Variants in SPDYE21 observed in about 807,000 individuals in gnomAD.
SPDYE21 encodes speedy/RINGO cell cycle regulator family member E21.
In SPDYE21, 14 loss-of-function variants were observed where a neutral mutation model predicts 36.2. That is an observed-to-expected ratio of 0.39 (90% confidence interval 0.26 to 0.61). The LOEUF is 0.61. SPDYE21 is among the 20% of genes least tolerant of loss of function. SPDYE21 has a pLI of 0.55. For synonymous variants in SPDYE21, 58 were observed against 155.1 expected, an observed-to-expected ratio of 0.37 and a Z score of 4.65; for missense variants, 233 against 424.6, an observed-to-expected ratio of 0.55 and a Z score of 3.97.
In SPDYE21 at chr7:67,288,256, G is replaced by A. The variant is rs1259163867; in HGVS notation, c.*784G>A. 2.0e-5 allele frequency among the ~76,000 whole-genome samples: 3 copies of A among 148,198 alleles called. No individual in the cohort carries two copies. Among genetic ancestry groups the A allele is most frequent in the African/African-American group, 7.3e-5 (3 of 40,822 alleles). On this transcript the variant is annotated 3_prime_UTR_variant, in exon 9 of 9. Coordinates refer to ENST00000424157, the MANE Select transcript of SPDYE21 (RefSeq NM_001382715.2). Reference sequence around the variant, plus strand: ...TCCATAATAATCTCTTCTATTTATAGCTATTGGTAGTTCCCCACCAGAAAA... The same window carrying A: ...TCCATAATAATCTCTTCTATTTATAACTATTGGTAGTTCCCCACCAGAAAA...
chr7:67,286,323 G>A lies in SPDYE21; in HGVS notation c.1035G>A (p.Met345Ile). Residue 345 changes from methionine (M) to isoleucine (I), a missense_variant, in exon 7 of 9, where the codon ATG (methionine) becomes ATA (isoleucine). This residue lies in a region of SPDYE21 where 139 missense variants were observed against 175.8 expected (regional missense o/e 0.79). Coordinates refer to ENST00000424157, the MANE Select transcript of SPDYE21 (RefSeq NM_001382715.2). ...RKRRFQLRRCMNPRARKNRSQ... is the reference protein window; with the variant it reads ...RKRRFQLRRCINPRARKNRSQ... The stretch of plus-strand genomic sequence containing the variant: ...GTCGGTTCCAGTTACGCCGTTGCAT[G>A]AACCCGAGGGCCAGGAAGAACCGCT... 1 of 1,613,730 alleles carries A rather than the reference G, an allele frequency of 6.2e-7. No homozygotes were observed. The highest frequency in any genetic ancestry group is 8.5e-7 in the Non-Finnish European group (1 of 1,179,844).
In SPDYE21 at chr7:67,288,438, A is replaced by G. The variant is rs1486637507; in HGVS notation, c.*966A>G. ...TTGGTTTATTTTGAAAAACATGGGTATAGAATTATTTAAATATTATTTTAT... is the reference window on the plus strand; with the variant it reads ...TTGGTTTATTTTGAAAAACATGGGTGTAGAATTATTTAAATATTATTTTAT... On this transcript the variant is annotated 3_prime_UTR_variant, in exon 9 of 9. Coordinates refer to ENST00000424157, the MANE Select transcript of SPDYE21 (RefSeq NM_001382715.2). Among the ~76,000 whole-genome samples the G allele has an allele frequency of 6.8e-6, 1 of 147,220 alleles. No individual in the cohort carries two copies. The highest frequency in any genetic ancestry group is 1.5e-5 in the Non-Finnish European group (1 of 66,602).
chr7:67,281,013 C>T (rs1802623400), intron 3 of SPDYE21, among the ~76,000 whole-genome samples: 1 of 138,324 alleles, frequency 7.2e-6, no homozygotes, highest in Admixed American at 7.9e-5. Context: ...ACCCAGGAGG[C>T]GGAGGTTGCA....
At position 67,286,152 on chromosome 7, in the gene SPDYE21, G is replaced by A; in HGVS notation, c.864G>A (p.Trp288Ter). Residue 288 changes from tryptophan to a stop codon, truncating the protein, a stop_gained, in exon 7 of 9, where the codon TGG becomes TGA. Coordinates refer to ENST00000424157, the MANE Select transcript of SPDYE21 (RefSeq NM_001382715.2). LOFTEE classifies it high-confidence loss of function. ...GCATACCCTTGCTCCGTAAGCGTTGGTTCCAGTTAGGCCGTTCCATGAACC... is the reference window on the plus strand; with the variant it reads ...GCATACCCTTGCTCCGTAAGCGTTGATTCCAGTTAGGCCGTTCCATGAACC... ...RSRIPLLRKRWFQLGRSMNPR... is the reference protein window; with the variant it reads ...RSRIPLLRKR 1 of 1,611,552 alleles carries A rather than the reference G, an allele frequency of 6.2e-7. No individual in the cohort carries two copies. The highest frequency in any genetic ancestry group is 8.5e-7 in the Non-Finnish European group (1 of 1,179,482).
rs1177846717 is a variant in SPDYE21 at position 67,287,581 on chromosome 7, C to T, written c.*109C>T. On this transcript the variant is annotated 3_prime_UTR_variant, in exon 9 of 9. Coordinates refer to ENST00000424157, the MANE Select transcript of SPDYE21 (RefSeq NM_001382715.2). ...ACTTTATTCCAATGCTAATGGCAGA[C>T]ACCAGGAAGGAGAAGAGGAACCATT... 1.3e-5 allele frequency among the ~76,000 whole-genome samples: 2 copies of T among 151,168 alleles called. No homozygotes were observed. The highest frequency in any genetic ancestry group is 2.9e-5 in the Non-Finnish European group (2 of 67,922).
Position 67,286,373 on chromosome 7 carries a change from T to C in SPDYE21, c.1085T>C (p.Leu362Pro), listed in dbSNP as rs904232245. Reference sequence around the variant, plus strand: ...TCTCAGATAGTCCTGTTCCAGAAACTTCGGTTCCAGTTCTTCTGTTCCATG... The same window carrying C: ...TCTCAGATAGTCCTGTTCCAGAAACCTCGGTTCCAGTTCTTCTGTTCCATG... ...NRSQIVLFQK[L>P]RFQFFCSMSG... Residue 362 changes from leucine to proline, a missense_variant, in exon 7 of 9, where the codon CTT becomes CCT. Transcript: ENST00000424157. The C allele has an allele frequency of 5.6e-6, 9 of 1,613,698 alleles. No homozygotes were observed. The highest frequency in any genetic ancestry group is 2.7e-5 in the African/African-American group (2 of 74,912).
intron 3 of SPDYE21, among the ~76,000 whole-genome samples, chr7:67,280,691 CAAAAAAAAAAAAAAAAAAAAAAAAAAA>C (rs1180256690): frequency 6.7e-5 from 1 of 15,036 alleles, no homozygotes; most frequent in African/African-American, 2.4e-4. Context: ...GAAGCTGTCT[CAAAAAAAAAAAAAAAAAAAAAAAAAAA>C]AAAAAAAAAA....
rs1051668713 is a variant in SPDYE21, at chr7:67,286,312, C to T, written c.1024C>T (p.Arg342Cys). Residue 342 changes from arginine to cysteine, a missense_variant, in exon 7 of 9, where the codon CGC (arginine) becomes TGC (cysteine). This residue lies in a region of SPDYE21 where 139 missense variants were observed against 175.8 expected (regional missense o/e 0.79). Coordinates refer to ENST00000424157, the MANE Select transcript of SPDYE21 (RefSeq NM_001382715.2). ...GGTCCGTAAGCGTCGGTTCCAGTTA[C>T]GCCGTTGCATGAACCCGAGGGCCAG... ...PLVRKRRFQLRRCMNPRARKN... is the reference protein window; with the variant it reads ...PLVRKRRFQLCRCMNPRARKN... 23 of 1,598,726 alleles carry T rather than the reference C, an allele frequency of 1.4e-5. No individual in the cohort carries two copies. The highest frequency in any genetic ancestry group is 5.1e-5 in the Admixed American group (3 of 59,222).
chr7:67,278,212 A>G (rs1358697519), intron 1 of SPDYE21, among the ~76,000 whole-genome samples, 80 bp from the exon 2 acceptor site: 3 of 101,968 alleles, frequency 2.9e-5, no homozygotes, highest in Non-Finnish European at 4.2e-5. Flanking sequence ...ACTCTTGTAC[A>G]TGATAATCTC....
Position 67,283,915 on chromosome 7 carries a change from T to C in SPDYE21, c.672T>C (p.Tyr224=), listed in dbSNP as rs894870082. 75 of 1,424,558 alleles carry C rather than the reference T, an allele frequency of 5.3e-5. No homozygotes were observed. Among genetic ancestry groups the C allele is most frequent in the Non-Finnish European group, 7.2e-5 (73 of 1,010,190 alleles). The allele number at this position is 1,424,558 out of a possible 1,614,324, so 88.2% of individuals were successfully genotyped here. ...WDKDLRVSDK[Y]LLAMVIVYFS... ...CTGTGTTCCTTTCTCTCCATCAGTA[T>C]CTCCTGGCTATGGTCATAGTGTATT... Residue 224 remains tyrosine (Y), a splice_region_variant and synonymous_variant, in exon 6 of 9, where the codon TAT becomes TAC. Coordinates refer to ENST00000424157, the MANE Select transcript of SPDYE21 (RefSeq NM_001382715.2).
At chr7:67,279,714 G>A in intron 2 of SPDYE21, 104 bp from the exon 3 acceptor site, 2 of 1,593,270 alleles carry the variant, frequency 1.3e-6, no homozygotes, top group South Asian at 2.2e-5. Flanking sequence ...GAAGCCAGCA[G>A]TCTGCGAGGC....
intron 3 of SPDYE21, among the ~76,000 whole-genome samples, chr7:67,281,100 A>AACAAC (rs1491342474): frequency 5.5e-5 from 3 of 54,058 alleles, no homozygotes; most frequent in African/African-American, 1.3e-4. Flanking sequence ...CAACAACAAC[A>AACAAC]AAAAAAAAAA....
rs1584748098 is a variant in SPDYE21 at position 67,282,548 on chromosome 7, C to A, written c.611-87C>A. 3.8e-6 allele frequency: 6 copies of A among 1,588,438 alleles called. No homozygotes were observed. In the East Asian group the frequency reaches 1.1e-4, roughly 30 times the overall value. Reference sequence around the variant, plus strand: ...CCGCGGCCACAATCCTGAGACTTCCCCCCGGGAGGCACACTTCTCGCTGCC... The same window carrying A: ...CCGCGGCCACAATCCTGAGACTTCCACCCGGGAGGCACACTTCTCGCTGCC... On this transcript the variant is annotated intron_variant, in intron 4 of 8. Coordinates refer to ENST00000424157, the MANE Select transcript of SPDYE21 (RefSeq NM_001382715.2).
At chr7:67,282,575 T>C in intron 4 of SPDYE21, 60 bp from the exon 5 acceptor site, 4 of 1,596,194 alleles carry the variant, frequency 2.5e-6, no homozygotes, top group Non-Finnish European at 3.4e-6. Flanking sequence ...CTCGCTGCCC[T>C]GCTGCTCCCA....
rs1386975354 is a variant in SPDYE21 at position 67,286,247 on chromosome 7, T to C, written c.959T>C (p.Met320Thr). 8.1e-6 allele frequency: 13 copies of C among 1,612,312 alleles called. No individual in the cohort carries two copies. The highest frequency in any genetic ancestry group is 5.3e-5 in the African/African-American group (4 of 74,896). Residue 320 changes from methionine to threonine, a missense_variant, in exon 7 of 9, where the codon ATG becomes ACG. This residue lies in a region of SPDYE21 where 139 missense variants were observed against 175.8 expected (regional missense o/e 0.79). Transcript: ENST00000424157. ...CGTCGGTTCCAGTTAGGCCGTTCCA[T>C]GAACCCGAGGGCCAGGAAGTACCGC... ...RKRRFQLGRSMNPRARKYRSR... is the reference protein window; with the variant it reads ...RKRRFQLGRSTNPRARKYRSR...
intron 8 of SPDYE21, among the ~76,000 whole-genome samples, 127 bp from the exon 9 acceptor site, chr7:67,287,391 T>C (rs1471242762): frequency 1.3e-5 from 2 of 152,146 alleles, no homozygotes; most frequent in Non-Finnish European, 1.5e-5. Context: ...GGGTATAGAA[T>C]GAAAGGCAGC....
At chr7:67,279,619 G>C (rs1178026070) in intron 2 of SPDYE21, among the ~76,000 whole-genome samples, 199 bp from the exon 3 acceptor site, 1 of 152,078 alleles carries the variant, frequency 6.6e-6, no homozygotes, top group Non-Finnish European at 1.5e-5. Context: ...AGCAGTGTTC[G>C]GAGGACAGAG....
At chr7:67,285,812 C>G (rs1584749555) in intron 6 of SPDYE21, among the ~76,000 whole-genome samples, 1 of 152,106 alleles carries the variant, frequency 6.6e-6, no homozygotes, top group South Asian at 2.1e-4. Context: ...CAGGCGTAAG[C>G]CACCACTCTC....
At position 67,283,517 on chromosome 7, in the gene SPDYE21, T is replaced by C. The variant is rs570273854; in HGVS notation, c.670-396T>C. On this transcript the variant is annotated intron_variant, in intron 5 of 8. Coordinates refer to ENST00000424157, the MANE Select transcript of SPDYE21 (RefSeq NM_001382715.2). ...AGAGTGAATGAGTGGCCCCTGCCTC[T>C]CCTATGGGTCCTTTGGGATCTGAGC... Among the ~76,000 whole-genome samples the C allele has an allele frequency of 1.2e-3, 176 of 151,994 alleles. 1 individual carries two copies. Among genetic ancestry groups the C allele is most frequent in the Middle Eastern group, 0.01 (3 of 294 alleles).
Sources: gnomAD v4.1 joint callset for allele counts (sites outside exome capture counted in the v4.1 genomes callset) on GRCh38, gnomAD v4.1.1 for gene constraint, gnomAD v4.1.1 regional missense constraint, MANE v1.5 for transcripts, NCBI Gene and HGNC (gene_info 2026-07-23, HGNC 2026-07-21) for gene names.